ZBTB20: variants seen among roughly 807,000 people sequenced by gnomAD.
ZBTB20 encodes the protein zinc finger and BTB domain-containing protein 20.
ZBTB20 carries 9 observed loss-of-function variants against 56.9 expected under a neutral mutation model. The ratio of observed to expected loss-of-function variants is 0.16; its 90% CI spans 0.10 to 0.28. The LOEUF is 0.28. Among genes scored for constraint, ZBTB20 ranks in the 10% least tolerant of loss-of-function variants. The pLI is 1.00. For missense variants in ZBTB20, 655 were observed against 1,003.0 expected (o/e 0.65, Z 4.69); for synonymous variants, 417 against 420.7 (o/e 0.99, Z 0.11).
chr3:114,727,719 A>G (rs1047373018), intron 5 of ZBTB20, among the ~76,000 whole-genome samples: 4 of 152,244 alleles, frequency 2.6e-5, no homozygotes, highest in African/African-American at 4.8e-5. Context: ...TTTGTGAAAA[A>G]AGGTCAAAAT....
chr3:114,660,653 C>T (rs2060666987), intron 6 of ZBTB20, among the ~76,000 whole-genome samples: 1 of 152,074 alleles, frequency 6.6e-6, no homozygotes, highest in African/African-American at 2.4e-5. Flanking sequence ...TCCATAATAT[C>T]GCTGGATAAC....
chr3:115,080,522 T>C (rs2108538866), intron 1 of ZBTB20, among the ~76,000 whole-genome samples: 1 of 152,296 alleles, frequency 6.6e-6, no homozygotes, highest in East Asian at 1.9e-4. Flanking sequence ...TTTAGTATAG[T>C]AAGGCTGTAA....
chr3:114,961,331 T>C (rs1040349493), intron 3 of ZBTB20, among the ~76,000 whole-genome samples: 7 of 152,082 alleles, frequency 4.6e-5, no homozygotes, highest in Admixed American at 2.0e-4. Context: ...AGTAGGGTTG[T>C]AGACCTTGCA....
At chr3:114,566,799 G>A (rs2052813159) in intron 6 of ZBTB20, among the ~76,000 whole-genome samples, 1 of 152,156 alleles carries the variant, frequency 6.6e-6, no homozygotes, top group Non-Finnish European at 1.5e-5. Context: ...ATGTAGTAGA[G>A]GTCCCCTTCA....
chr3:115,034,416 C>CA (rs969045023), intron 2 of ZBTB20, among the ~76,000 whole-genome samples: 4 of 150,908 alleles, frequency 2.7e-5, no homozygotes, highest in East Asian at 1.9e-4. Context: ...AATCATCACG[C>CA]AAAAATCAGT....
intron 7 of ZBTB20, among the ~76,000 whole-genome samples, chr3:114,459,764 G>A (rs1052904434): frequency 1.3e-5 from 2 of 152,096 alleles, no homozygotes; most frequent in African/African-American, 4.8e-5. Flanking sequence ...GAATTAGCTA[G>A]TGAAAAGCAC....
At chr3:114,607,324 CAG>C (rs1318379211) in intron 6 of ZBTB20, among the ~76,000 whole-genome samples, 2 of 134,668 alleles carry the variant, frequency 1.5e-5, no homozygotes, top group East Asian at 4.3e-4. Context: ...TTTTTTGAGA[CAG>C]AGTTTTGCTC....
intron 6 of ZBTB20, among the ~76,000 whole-genome samples, chr3:114,582,795 GATAAT>G (rs1231502439): frequency 6.6e-6 from 1 of 152,194 alleles, no homozygotes; most frequent in Non-Finnish European, 1.5e-5. Context: ...CACTATCTCT[GATAAT>G]AGAGCCCAAT....
At chr3:114,853,259 T>C (rs943396891) in intron 4 of ZBTB20, among the ~76,000 whole-genome samples, 1 of 152,208 alleles carries the variant, frequency 6.6e-6, no homozygotes, top group East Asian at 1.9e-4. Context: ...TGCATGTAAG[T>C]AACTGGAGCA....
chr3:114,784,672 A>C (rs1470535884), intron 5 of ZBTB20, among the ~76,000 whole-genome samples: 1 of 152,218 alleles, frequency 6.6e-6, no homozygotes, highest in Non-Finnish European at 1.5e-5. Flanking sequence ...AATTTCTATT[A>C]ACTTGTAAAG....
intron 3 of ZBTB20, among the ~76,000 whole-genome samples, chr3:114,919,912 A>C (rs1576326323): frequency 6.6e-6 from 1 of 152,222 alleles, no homozygotes; most frequent in East Asian, 1.9e-4. Flanking sequence ...ACAGAGCCAA[A>C]AAGTGAAGAC....
chr3:114,471,168 T>C (rs2040083093), intron 7 of ZBTB20, among the ~76,000 whole-genome samples: 1 of 152,104 alleles, frequency 6.6e-6, no homozygotes, highest in South Asian at 2.1e-4. Flanking sequence ...CCAATTGAAG[T>C]TGTTGAGGGG....
At chr3:114,656,214 T>G (rs531614984) in intron 6 of ZBTB20, among the ~76,000 whole-genome samples, 50 of 152,308 alleles carry the variant, frequency 3.3e-4, no homozygotes, top group Non-Finnish European at 6.5e-4. Flanking sequence ...CCTTTGAGAT[T>G]TTTCTTTGTA....
At chr3:114,839,465 A>AAGAAAGAAAGAAAGAAAGAAAGAG (rs767019231) in intron 4 of ZBTB20, among the ~76,000 whole-genome samples, 11 of 148,362 alleles carry the variant, frequency 7.4e-5, no homozygotes, top group African/African-American at 2.0e-4. Flanking sequence ...GAAAGAAAGA[A>AAGAAAGAAAGAAAGAAAGAAAGAG]AGAGAGAGAG....
chr3:114,578,109 TAAAATA>T (rs1182413650), intron 6 of ZBTB20, among the ~76,000 whole-genome samples: 1 of 151,584 alleles, frequency 6.6e-6, no homozygotes, highest in Non-Finnish European at 1.5e-5. Context: ...AAGATAGAAA[TAAAATA>T]AGAATAGGTG....
intron 10 of ZBTB20, among the ~76,000 whole-genome samples, chr3:114,376,009 T>C (rs1462429661): frequency 6.6e-6 from 1 of 152,248 alleles, no homozygotes; most frequent in Non-Finnish European, 1.5e-5. Context: ...TCTGTGTACA[T>C]GAAATGCACA....
At chr3:114,867,843 G>C (rs1467158423) in intron 4 of ZBTB20, among the ~76,000 whole-genome samples, 2 of 152,192 alleles carry the variant, frequency 1.3e-5, no homozygotes, top group African/African-American at 4.8e-5. Context: ...GTCTAAACAT[G>C]CTGGAGATGG....
At chr3:114,459,976 T>C (rs922187199) in intron 7 of ZBTB20, among the ~76,000 whole-genome samples, 1 of 151,946 alleles carries the variant, frequency 6.6e-6, no homozygotes, top group Non-Finnish European at 1.5e-5. Context: ...AAGCAGAAGG[T>C]ATTTAGGAAA....
intron 6 of ZBTB20, among the ~76,000 whole-genome samples, chr3:114,592,464 A>G (rs1258416964): frequency 6.6e-6 from 1 of 152,232 alleles, no homozygotes; most frequent in Non-Finnish European, 1.5e-5. Flanking sequence ...AGAATTATTA[A>G]AAATGGTTGT....
Sources: gnomAD v4.1 joint callset for allele counts (sites outside exome capture counted in the v4.1 genomes callset) on GRCh38, gnomAD v4.1.1 for gene constraint, MANE v1.5 for transcripts, NCBI Gene and HGNC (gene_info 2026-07-23, HGNC 2026-07-21) for gene names.